The following ARID2 variants were observed in gnomAD, a reference collection of about 807,000 sequenced individuals.
ARID2 encodes the protein AT-rich interaction domain 2.
Under a neutral mutation model 184.6 loss-of-function variants are expected in ARID2, and 32 were observed. The observed-to-expected ratio is 0.17, with a 90% CI of 0.13 to 0.23. ARID2 has a LOEUF of 0.23. Ranked by LOEUF, ARID2 falls within the 10% of genes least tolerant of loss-of-function variation. The probability of loss-of-function intolerance (pLI) is 1.00; values close to 1 mark genes in which losing one functional copy is unlikely to be tolerated. For missense variants in ARID2, 1,696 were observed against 2,197.6 expected (o/e 0.77, Z 4.56); for synonymous variants, 836 against 772.6 (o/e 1.08, Z -1.36).
chr12:45,766,176 T>C (rs1941766908), intron 3 of ARID2, among the ~76,000 whole-genome samples: 1 of 152,090 alleles, frequency 6.6e-6, no homozygotes, highest in African/African-American at 2.4e-5. Flanking sequence ...ATTTAACTTT[T>C]TTTTTTTTTG....
chr12:45,806,087 A>G (rs1303999971), intron 3 of ARID2, among the ~76,000 whole-genome samples: 5 of 152,168 alleles, frequency 3.3e-5, no homozygotes, highest in African/African-American at 1.2e-4. Context: ...TTAGGTGAGA[A>G]ACATAATTGG....
chr12:45,904,433 C>T, intron 20 of ARID2: 1 of 678,612 alleles, frequency 1.5e-6, no homozygotes, highest in Non-Finnish European at 2.7e-6. Context: ...TGGCTCACGC[C>T]TGTAATCCCA....
chr12:45,771,649 G>T (rs989204200), intron 3 of ARID2, among the ~76,000 whole-genome samples: 3 of 151,658 alleles, frequency 2.0e-5, no homozygotes, highest in African/African-American at 7.3e-5. Context: ...CGCTAGCCTG[G>T]GCAACAGAGC....
chr12:45,844,849 G>A (rs998365522), intron 11 of ARID2, among the ~76,000 whole-genome samples: 3 of 152,154 alleles, frequency 2.0e-5, no homozygotes, highest in African/African-American at 7.2e-5. Context: ...TAACCATAAT[G>A]CATAATCCTG....
chr12:45,834,500 T>A (rs1943178939), intron 6 of ARID2, among the ~76,000 whole-genome samples: 1 of 152,196 alleles, frequency 6.6e-6, no homozygotes, highest in Non-Finnish European at 1.5e-5. Flanking sequence ...CCCAGCACTT[T>A]GGGAGGCCGA....
At chr12:45,808,079 G>C (rs1390723627) in intron 3 of ARID2, among the ~76,000 whole-genome samples, 1 of 152,174 alleles carries the variant, frequency 6.6e-6, no homozygotes, top group Non-Finnish European at 1.5e-5. Context: ...TATGTTAACT[G>C]TTCAAAGTTA....
rs147424196 is a variant in ARID2 at position 45,828,746 on chromosome 12, A to G, written c.705+7259A>G. ...CTAGAATACCTTTGGCAATTTTGAT[A>G]GCTTCTTTTAGGCAGTGCCTATATT... On this transcript the variant is annotated intron_variant, in intron 6 of 20. Transcript: ENST00000334344. Among the ~76,000 whole-genome samples, 259 of 152,064 alleles carry G rather than the reference A, an allele frequency of 1.7e-3. 7 individuals carry two copies. The East Asian group carries it at 0.043, about 25-fold the overall frequency.
intron 3 of ARID2, among the ~76,000 whole-genome samples, chr12:45,810,672 T>C (rs533075755): frequency 6.6e-6 from 1 of 152,298 alleles, no homozygotes; most frequent in East Asian, 1.9e-4. Flanking sequence ...AAAGATATTC[T>C]CAGAAAATAT....
At chr12:45,741,405 T>C (rs1049995300) in intron 3 of ARID2, among the ~76,000 whole-genome samples, 2 of 152,146 alleles carry the variant, frequency 1.3e-5, no homozygotes, top group Non-Finnish European at 2.9e-5. Flanking sequence ...GCCATTTTGC[T>C]CAGGCTGGTC....
At chr12:45,822,769 G>A (rs551954041) in intron 6 of ARID2, among the ~76,000 whole-genome samples, 1 of 152,092 alleles carries the variant, frequency 6.6e-6, no homozygotes, top group Non-Finnish European at 1.5e-5. Context: ...GATCAATACA[G>A]CAAAAGGATG....
chr12:45,836,925 T>G lies in ARID2; in HGVS notation c.957T>G (p.Ser319=), dbSNP rs766638440. 4 of 1,614,134 alleles carry G rather than the reference T, an allele frequency of 2.5e-6. No individual in the cohort carries two copies. Among genetic ancestry groups the G allele is most frequent in the Non-Finnish European group, 3.4e-6 (4 of 1,179,992 alleles). Residue 319 remains serine, a synonymous_variant, in exon 8 of 21, where the codon TCT becomes TCG. Transcript: ENST00000334344. The part of the protein sequence containing the change: ...NRTCLRFLLL[S]AHSHFISLRQ... Reference sequence around the variant, plus strand: ...CCTGTCTTCGTTTCCTATTACTTTCTGCACATAGTCATTTTATTTCTTTAA... The same window carrying G: ...CCTGTCTTCGTTTCCTATTACTTTCGGCACATAGTCATTTTATTTCTTTAA...
Position 45,836,648 on chromosome 12 carries a change from G to A in ARID2, c.765G>A (p.Lys255=), listed in dbSNP as rs149219400. 1.2e-6 allele frequency: 2 copies of A among 1,610,292 alleles called. No homozygotes were observed. Among genetic ancestry groups the A allele is most frequent in the Non-Finnish European group, 1.7e-6 (2 of 1,178,668 alleles). Residue 255 remains lysine, a synonymous_variant, in exon 7 of 21, where the codon AAG becomes AAA. Transcript: ENST00000334344. ...GTGACCTCATTTCTGACAGAAACAA[G>A]TCTCATGGTAAGTTAGTGAAAGCAA... The part of the protein sequence containing the change: ...EVRDLISDRN[K]SHEGTSGEWI...
At chr12:45,873,126 A>G (rs1032103554) in intron 16 of ARID2, among the ~76,000 whole-genome samples, 1 of 152,166 alleles carries the variant, frequency 6.6e-6, no homozygotes, top group Non-Finnish European at 1.5e-5. Flanking sequence ...TCATTATGTA[A>G]TGCCCCTCTT....
rs1469253969 is a variant in ARID2, at chr12:45,848,890, G to A, written c.1635G>A (p.Met545Ile). The A allele has an allele frequency of 1.9e-6, 3 of 1,612,372 alleles. No individual in the cohort carries two copies. Among genetic ancestry groups the A allele is most frequent in the Admixed American group, 1.7e-5 (1 of 59,924 alleles). Residue 545 changes from methionine to isoleucine, a missense_variant, in exon 13 of 21, where the codon ATG becomes ATA. By Grantham distance (10) the Met-to-Ile change is conservative. Coordinates refer to ENST00000334344, the MANE Select transcript of ARID2 (RefSeq NM_152641.4). Reference protein sequence around the residue: ...NPDCSVSRAEMYSEYLSTCSK... With the variant: ...NPDCSVSRAEIYSEYLSTCSK... ...ATTGTTCTGTTTCTCGAGCAGAAAT[G>A]TATTCTGAATACCTCTCGACTTGCA...
intron 3 of ARID2, among the ~76,000 whole-genome samples, chr12:45,772,629 CA>C (rs955424793): frequency 1.3e-5 from 2 of 151,260 alleles, no homozygotes; most frequent in Non-Finnish European, 3.0e-5. Flanking sequence ...GATTTTAAAA[CA>C]AAAAAAAGTT....
At chr12:45,877,597 C>T (rs1944029650) in intron 16 of ARID2, among the ~76,000 whole-genome samples, 1 of 151,956 alleles carries the variant, frequency 6.6e-6, no homozygotes, top group Admixed American at 6.6e-5. Context: ...AAAACCATCC[C>T]CCCAACCCCT....
intron 4 of ARID2, among the ~76,000 whole-genome samples, chr12:45,813,030 A>G (rs1469024461): frequency 2.0e-5 from 3 of 152,206 alleles, no homozygotes; most frequent in African/African-American, 7.2e-5. Context: ...TCGGAAGCCT[A>G]TAATGAAAGT....
chr12:45,761,453 C>T (rs1941677097), intron 3 of ARID2, among the ~76,000 whole-genome samples: 1 of 151,918 alleles, frequency 6.6e-6, no homozygotes, highest in Non-Finnish European at 1.5e-5. Flanking sequence ...ATATGTTTAC[C>T]ATTCACAATT....
chr12:45,782,588 C>T (rs1203345988), intron 3 of ARID2, among the ~76,000 whole-genome samples: 5 of 152,024 alleles, frequency 3.3e-5, no homozygotes, highest in Non-Finnish European at 7.4e-5. Flanking sequence ...GCCGAGATCG[C>T]GCCATTACAC....
Sources: allele counts gnomAD v4.1 joint callset (sites outside exome capture counted in the v4.1 genomes callset), GRCh38; gene constraint gnomAD v4.1.1; transcripts MANE v1.5; gene names NCBI Gene and HGNC (gene_info 2026-07-23, HGNC 2026-07-21).